Variants in PACRG observed in about 807,000 individuals in gnomAD.
The protein encoded by PACRG is parkin coregulated.
A neutral mutation model predicts 29.7 loss-of-function variants in PACRG; 29 were observed. The ratio of observed to expected loss-of-function variants is 0.98; its 90% confidence interval spans 0.73 to 1.33. PACRG has a LOEUF of 1.33. PACRG is among the 40% of genes most tolerant of loss of function. The probability of loss-of-function intolerance (pLI) is 0.00; values close to 1 mark genes in which losing one functional copy is unlikely to be tolerated. For synonymous variants in PACRG, 116 were observed against 118.7 expected (o/e 0.98, Z 0.15); for missense variants, 279 against 316.2 (o/e 0.88, Z 0.89).
intron 2 of PACRG, among the ~76,000 whole-genome samples, chr6:162,945,910 C>A (rs1798967544): frequency 6.6e-6 from 1 of 152,020 alleles, no homozygotes. Context: ...TCCTGAATGA[C>A]CACTGGGTCA....
At chr6:162,955,408 T>C (rs1584859725) in intron 2 of PACRG, among the ~76,000 whole-genome samples, 1 of 152,136 alleles carries the variant, frequency 6.6e-6, no homozygotes, top group Non-Finnish European at 1.5e-5. Flanking sequence ...CAAGCAATTC[T>C]CCTGCCTCAG....
At chr6:163,274,451 T>C (rs1783953992) in intron 4 of PACRG, among the ~76,000 whole-genome samples, 1 of 152,232 alleles carries the variant, frequency 6.6e-6, no homozygotes, top group Admixed American at 6.5e-5. Context: ...TTTGGGTTGG[T>C]TCCAAGTCTT....
chr6:163,029,552 A>G (rs1164146363), intron 2 of PACRG, among the ~76,000 whole-genome samples: 1 of 152,190 alleles, frequency 6.6e-6, no homozygotes, highest in African/African-American at 2.4e-5. Flanking sequence ...AGCCATGTGG[A>G]TTGCATCAAT....
At chr6:162,880,349 C>T (rs968030061) in intron 2 of PACRG, among the ~76,000 whole-genome samples, 11 of 152,324 alleles carry the variant, frequency 7.2e-5, no homozygotes, top group South Asian at 2.1e-4. Flanking sequence ...TGATCACTTA[C>T]GTGGCATTGG....
intron 2 of PACRG, among the ~76,000 whole-genome samples, chr6:162,944,825 A>AAAG (rs1798884818): frequency 6.6e-6 from 1 of 152,142 alleles, no homozygotes; most frequent in African/African-American, 2.4e-5. Context: ...TTTCTGACAT[A>AAAG]TAAGACACCA....
At chr6:162,915,100 A>G (rs2128085080) in intron 2 of PACRG, among the ~76,000 whole-genome samples, 1 of 152,096 alleles carries the variant, frequency 6.6e-6, no homozygotes, top group East Asian at 1.9e-4. Context: ...CTCCATCTCA[A>G]GGGAAAGTAA....
chr6:163,221,308 C>T (rs573561638), intron 4 of PACRG, among the ~76,000 whole-genome samples: 1 of 152,314 alleles, frequency 6.6e-6, no homozygotes. Flanking sequence ...TCCTTAGAGT[C>T]TGAATCTGGG....
At chr6:163,227,046 G>A (rs541597579) in intron 4 of PACRG, among the ~76,000 whole-genome samples, 1 of 152,100 alleles carries the variant, frequency 6.6e-6, no homozygotes, top group Non-Finnish European at 1.5e-5. Context: ...GGGAATTTTT[G>A]TGGCATGTAA....
intron 1 of PACRG, among the ~76,000 whole-genome samples, chr6:162,796,132 A>G (rs755997597): frequency 2.6e-5 from 4 of 152,142 alleles, no homozygotes; most frequent in Admixed American, 1.3e-4. Context: ...TAGTACAGCA[A>G]TAGAGGACAT....
At chr6:162,785,377 G>C (rs901544728) in intron 1 of PACRG, among the ~76,000 whole-genome samples, 5 of 152,120 alleles carry the variant, frequency 3.3e-5, no homozygotes, top group African/African-American at 7.2e-5. Context: ...GACTAAAAAA[G>C]CCTTCCCTTA....
At chr6:163,271,129 T>A (rs1372438492) in intron 4 of PACRG, among the ~76,000 whole-genome samples, 1 of 152,116 alleles carries the variant, frequency 6.6e-6, no homozygotes, top group Admixed American at 6.5e-5. Context: ...TGGAGTCTGA[T>A]GTTCTAGGGC....
intron 2 of PACRG, among the ~76,000 whole-genome samples, chr6:162,965,939 C>A (rs190112963): frequency 6.6e-6 from 1 of 152,134 alleles, no homozygotes; most frequent in African/African-American, 2.4e-5. Context: ...GGATGGGAGA[C>A]GAAATGCATC....
intron 4 of PACRG, among the ~76,000 whole-genome samples, chr6:163,093,894 G>A (rs936136258): frequency 1.3e-5 from 2 of 152,208 alleles, no homozygotes; most frequent in Non-Finnish European, 2.9e-5. Context: ...GAATGAGGAT[G>A]CCTGAAGTTT....
intron 4 of PACRG, among the ~76,000 whole-genome samples, chr6:163,188,574 G>C (rs937682302): frequency 7.9e-5 from 12 of 152,198 alleles, no homozygotes; most frequent in African/African-American, 2.9e-4. Flanking sequence ...TTTGGTCCGT[G>C]AGTGAGAAGG....
At chr6:162,981,059 C>T (rs1439024022) in intron 2 of PACRG, among the ~76,000 whole-genome samples, 3 of 151,890 alleles carry the variant, frequency 2.0e-5, no homozygotes, top group African/African-American at 7.3e-5. Context: ...CCACTGAGTC[C>T]CCAGTGTCCA....
At chr6:163,175,499 A>G (rs748625892) in intron 4 of PACRG, among the ~76,000 whole-genome samples, 31 of 151,768 alleles carry the variant, frequency 2.0e-4, no homozygotes, top group Non-Finnish European at 2.9e-4. Context: ...CTCCTGAGGG[A>G]TTGTGGTAAC....
At chr6:162,789,438 A>G (rs1347531556) in intron 1 of PACRG, among the ~76,000 whole-genome samples, 1 of 152,158 alleles carries the variant, frequency 6.6e-6, no homozygotes, top group Admixed American at 6.5e-5. Flanking sequence ...GCTTACTTTT[A>G]TAGGGAACTA....
At chr6:162,727,694 G>T, upstream of PACRG, 1 of 1,568,658 alleles carries the variant, frequency 6.4e-7, no homozygotes, top group Non-Finnish European at 8.6e-7. Context: ...GGCGGCTGCG[G>T]GCCAGGAACA....
chr6:162,844,859 C>G (rs1790215049), intron 2 of PACRG, among the ~76,000 whole-genome samples: 1 of 152,160 alleles, frequency 6.6e-6, no homozygotes, highest in Non-Finnish European at 1.5e-5. Context: ...TAGTTCTGTA[C>G]CAGTTACTCC....
Sources: gnomAD v4.1 joint callset for allele counts (sites outside exome capture counted in the v4.1 genomes callset) on GRCh38, gnomAD v4.1.1 for gene constraint, MANE v1.5 for transcripts, NCBI Gene and HGNC (gene_info 2026-07-23, HGNC 2026-07-21) for gene names.